RSPH4A: variants seen among roughly 807,000 people sequenced by gnomAD.
The protein encoded by RSPH4A is radial spoke head protein 4 homolog A.
RSPH4A carries 47 observed loss-of-function variants against 71.0 expected under a neutral mutation model. The ratio of observed to expected loss-of-function variants is 0.66; its 90% confidence interval spans 0.52 to 0.84. RSPH4A has a LOEUF of 0.84. Ranked by LOEUF, RSPH4A falls within the 40% of genes least tolerant of loss-of-function variation. The probability of loss-of-function intolerance (pLI) is 0.00; values close to 1 mark genes in which losing one functional copy is unlikely to be tolerated. For synonymous variants in RSPH4A, 282 were observed against 302.3 expected, an observed-to-expected ratio of 0.93 and a Z score of 0.70; for missense variants, 793 against 855.2, an observed-to-expected ratio of 0.93 and a Z score of 0.91.
chr6:116,626,937 T>C (rs181864860), intron 2 of RSPH4A, among the ~76,000 whole-genome samples: 1 of 152,250 alleles, frequency 6.6e-6, no homozygotes, highest in East Asian at 1.9e-4. Context: ...TATAGACATA[T>C]GGAAAACCAT....
At chr6:116,631,360 G>A (rs1015358338) in intron 5 of RSPH4A, among the ~76,000 whole-genome samples, 3 of 152,184 alleles carry the variant, frequency 2.0e-5, no homozygotes, top group Non-Finnish European at 4.4e-5. Flanking sequence ...ACAAGAGAAA[G>A]CTTTGACATC....
chr6:116,630,663 TC>T (rs376960531), intron 5 of RSPH4A, 111 bp downstream of exon 5: 2 of 541,576 alleles, frequency 3.7e-6, no homozygotes, highest in Non-Finnish European at 6.5e-6. Context: ...GTTTTTTTTT[TC>T]GTGTTTTTTT....
In RSPH4A at chr6:116,623,066, G is replaced by T. The variant is rs1222354845; in HGVS notation, c.921+64G>T. 2.9e-6 allele frequency: 3 copies of T among 1,018,002 alleles called. No individual in the cohort carries two copies. In the African/African-American group the frequency reaches 4.8e-5, roughly 16 times the overall value. 63.1% of individuals were successfully genotyped at this position (1,018,002 alleles called of 1,614,324 possible). On this transcript the variant is annotated intron_variant, in intron 2 of 5. Coordinates refer to ENST00000229554, the MANE Select transcript of RSPH4A (RefSeq NM_001010892.3). Reference sequence around the variant, plus strand: ...ATTTTATTTGGGACGAATGGCTGTGGCTTTAAATTCATACCAACTGTATTT... The same window carrying T: ...ATTTTATTTGGGACGAATGGCTGTGTCTTTAAATTCATACCAACTGTATTT...
intron 2 of RSPH4A, among the ~76,000 whole-genome samples, chr6:116,623,898 C>T (rs915595176): frequency 1.3e-5 from 2 of 151,988 alleles, no homozygotes; most frequent in Non-Finnish European, 2.9e-5. Context: ...AAGTTGGTGA[C>T]AGAGATTGAA....
At position 116,617,415 on chromosome 6, in the gene RSPH4A, A is replaced by C. The variant is rs1775529565; in HGVS notation, c.686+106A>C. The C allele has an allele frequency of 1.4e-5, 11 of 782,844 alleles. No individual in the cohort carries two copies. In the South Asian group the frequency reaches 1.9e-4, roughly 14 times the overall value. 48.5% of individuals were successfully genotyped at this position (782,844 alleles called of 1,614,324 possible). Reference sequence around the variant, plus strand: ...GTGGGTGAATCAAAATATATTTGAAAGATTGTGTTAGTAAAAGAGAGTTAA... The same window carrying C: ...GTGGGTGAATCAAAATATATTTGAACGATTGTGTTAGTAAAAGAGAGTTAA... On this transcript the variant is annotated intron_variant, in intron 1 of 5. Transcript: ENST00000229554.
chr6:116,616,963 A>G lies in RSPH4A; in HGVS notation c.340A>G (p.Thr114Ala), dbSNP rs778370377. 6.2e-7 allele frequency: 1 copy of G among 1,614,200 alleles called. No individual in the cohort carries two copies. Among genetic ancestry groups the G allele is most frequent in the Non-Finnish European group, 8.5e-7 (1 of 1,180,018 alleles). ...LAAPPQSDRT[T>A]SVIPEAGTPY... ...GGCACCACCTCAGTCGGACAGGACC[A>G]CGAGTGTGATTCCTGAAGCTGGGAC... Residue 114 changes from threonine (T) to alanine (A), a missense_variant, in exon 1 of 6, where the codon ACG becomes GCG. Coordinates refer to ENST00000229554, the MANE Select transcript of RSPH4A (RefSeq NM_001010892.3).
chr6:116,630,343 A>ATG lies in RSPH4A; in HGVS notation c.1799-78_1799-77dup, dbSNP rs59824195. 1,643 of 678,210 alleles carry ATG rather than the reference A, an allele frequency of 2.4e-3. 13 individuals are homozygous for ATG. The African/African-American group carries it at 0.031, about 13-fold the overall frequency. 42.0% of individuals were successfully genotyped at this position (678,210 alleles called of 1,614,324 possible). Reference sequence around the variant, plus strand: ...TGTGTGTATCTGTGTGTGTGCATGCATGTGTGTGTGTGTGTATTTATAAAA... The same window carrying ATG: ...TGTGTGTATCTGTGTGTGTGCATGCATGTGTGTGTGTGTGTGTATTTATAAAA... On this transcript the variant is annotated intron_variant, in intron 4 of 5. Coordinates refer to ENST00000229554, the MANE Select transcript of RSPH4A (RefSeq NM_001010892.3).
At position 116,623,097 on chromosome 6, in the gene RSPH4A, C is replaced by CTTGTT. The variant is rs3033963; in HGVS notation, c.921+122_921+126dup. On this transcript the variant is annotated intron_variant, in intron 2 of 5. Transcript: ENST00000229554. ...AATTCATACCAACTGTATTTTATAG[C>CTTGTT]TTGTTTTGTTTTGTTTTGTTTTGTT... The CTTGTT allele has an allele frequency of 0.25, 186,890 of 762,320 alleles. 28,300 individuals are homozygous for CTTGTT. The highest frequency in any genetic ancestry group is 0.42 in the East Asian group (15,926 of 38,344). 47.2% of individuals were successfully genotyped at this position (762,320 alleles called of 1,614,324 possible).
chr6:116,629,461 G>A, intron 3 of RSPH4A, 106 bp from the exon 4 acceptor site: 1 of 1,160,472 alleles, frequency 8.6e-7, no homozygotes, highest in Non-Finnish European at 1.3e-6. Flanking sequence ...ATGAATAATT[G>A]ATTAAATTCC....
Position 116,632,536 on chromosome 6 carries a change from T to TACAC in RSPH4A, c.*98_*99insCACA. 7.1e-7 allele frequency: 1 copy of TACAC among 1,413,334 alleles called. No individual in the cohort carries two copies. Among genetic ancestry groups the TACAC allele is most frequent in the Non-Finnish European group, 9.6e-7 (1 of 1,045,166 alleles). 87.5% of individuals were successfully genotyped at this position (1,413,334 alleles called of 1,614,324 possible). On this transcript the variant is annotated 3_prime_UTR_variant, in exon 6 of 6. Coordinates refer to ENST00000229554, the MANE Select transcript of RSPH4A (RefSeq NM_001010892.3). Reference sequence around the variant, plus strand: ...CACTTTTCTGTGTTATGTGTGTATATACATACACATGTAAGAAATTATTCA... The same window carrying TACAC: ...CACTTTTCTGTGTTATGTGTGTATATACACACATACACATGTAAGAAATTATTCA...
rs1269017511 is a variant in RSPH4A, at chr6:116,617,066, A to C, written c.443A>C (p.Asn148Thr). The change falls in exon 1 of 6, where the codon AAC (asparagine) becomes ACC (threonine). Residue 148 changes from asparagine to threonine, a missense_variant. Physicochemically the swap from Asn to Thr is moderately conservative, Grantham distance 65. Coordinates refer to ENST00000229554, the MANE Select transcript of RSPH4A (RefSeq NM_001010892.3). ...TPHHTSQSEG[N>T]TFQQSQQPKP... Reference sequence around the variant, plus strand: ...CATCACACAAGCCAGTCAGAAGGAAACACCTTTCAACAGTCTCAGCAACCC... The same window carrying C: ...CATCACACAAGCCAGTCAGAAGGAACCACCTTTCAACAGTCTCAGCAACCC... The C allele has an allele frequency of 1.9e-6, 3 of 1,614,096 alleles. No individual in the cohort carries two copies. Among genetic ancestry groups the C allele is most frequent in the African/African-American group, 1.3e-5 (1 of 74,936 alleles).
chr6:116,617,350 A>G, intron 1 of RSPH4A, 41 bp downstream of exon 1: 1 of 1,455,684 alleles, frequency 6.9e-7, no homozygotes, highest in Non-Finnish European at 9.5e-7. Flanking sequence ...TTGGCAAAGC[A>G]AGAGGGTGTG....
In RSPH4A at chr6:116,622,772, G is replaced by T; in HGVS notation, c.691G>T (p.Asp231Tyr). The stretch of plus-strand genomic sequence containing the variant: ...GAATTTTCTCTGTTTGGATAGATAT[G>T]ATCATCTTTCTAATATGTTGACCAA... ...TSSNSGFNLY[D>Y]HLSNMLTKIL... Residue 231 changes from aspartate (D) to tyrosine (Y), a missense_variant, in exon 2 of 6, where the codon GAT becomes TAT. Coordinates refer to ENST00000229554, the MANE Select transcript of RSPH4A (RefSeq NM_001010892.3). 6.3e-7 allele frequency: 1 copy of T among 1,578,176 alleles called. No individual in the cohort carries two copies. The highest frequency in any genetic ancestry group is 1.1e-5 in the South Asian group (1 of 90,242).
chr6:116,628,407 G>A, intron 3 of RSPH4A, 38 bp downstream of exon 3: 1 of 1,496,326 alleles, frequency 6.7e-7, no homozygotes, highest in South Asian at 1.1e-5. Flanking sequence ...CAGGTAATTA[G>A]GCAAATATTC....
chr6:116,631,317 T>G (rs1319644866), intron 5 of RSPH4A, among the ~76,000 whole-genome samples: 1 of 152,050 alleles, frequency 6.6e-6, no homozygotes, highest in Non-Finnish European at 1.5e-5. Flanking sequence ...AAAATGAGAG[T>G]TAAGCCTTTA....
intron 1 of RSPH4A, among the ~76,000 whole-genome samples, chr6:116,622,285 G>A (rs1775623251): frequency 6.6e-6 from 1 of 152,124 alleles, no homozygotes; most frequent in Non-Finnish European, 1.5e-5. Flanking sequence ...GAGCGGAGGG[G>A]AAGGGGAATG....
chr6:116,628,140 G>A lies in RSPH4A; in HGVS notation c.1433G>A (p.Gly478Glu), dbSNP rs763276344. Residue 478 changes from glycine (G) to glutamate (E), a missense_variant, in exon 3 of 6, where the codon GGA becomes GAA. Transcript: ENST00000229554. ...APIISYPPFPGNESNYLRAQI... is the reference protein window; with the variant it reads ...APIISYPPFPENESNYLRAQI... ...ATCATAAGCTACCCACCTTTCCCAG[G>A]AAATGAGAGTAATTATTTACGAGCA... The A allele has an allele frequency of 1.2e-6, 2 of 1,614,186 alleles. No homozygotes were observed. Among genetic ancestry groups the A allele is most frequent in the Non-Finnish European group, 1.7e-6 (2 of 1,180,038 alleles).
In RSPH4A at chr6:116,616,531, A is replaced by G. The variant is rs1469171986; in HGVS notation, c.-93A>G. ...AGCAACCAGGACCCAGAAATCGCTT[A>G]AGAGACCGCGGCAAAGTAACTTAAC... On this transcript the variant is annotated 5_prime_UTR_variant, in exon 1 of 6. It removes the in-frame stop codon of an upstream open reading frame in the 5' UTR. Transcript: ENST00000229554. 4.4e-6 allele frequency: 5 copies of G among 1,133,146 alleles called. No homozygotes were observed. Among genetic ancestry groups the G allele is most frequent in the Non-Finnish European group, 6.5e-6 (5 of 768,570 alleles). 70.2% of individuals were successfully genotyped at this position (1,133,146 alleles called of 1,614,324 possible). A position where few individuals can be genotyped will look rare whatever the true frequency, so the allele number is the denominator to read the frequency against.
At chr6:116,623,119 T>A in intron 2 of RSPH4A, 117 bp downstream of exon 2, 1 of 758,650 alleles carries the variant, frequency 1.3e-6, no homozygotes, top group Admixed American at 2.2e-5. Flanking sequence ...TGTTTTGTTT[T>A]GTTTTGTTTA....
Sources: gnomAD v4.1 joint callset for allele counts (sites outside exome capture counted in the v4.1 genomes callset) on GRCh38, gnomAD v4.1.1 for gene constraint, MANE v1.5 for transcripts, NCBI Gene and HGNC (gene_info 2026-07-23, HGNC 2026-07-21) for gene names.